The following ADCY8 variants were observed in gnomAD, a reference collection of about 807,000 sequenced individuals.
The protein encoded by ADCY8 is adenylate cyclase 8, also known as adenylate cyclase type 8.
A neutral mutation model predicts 119.7 loss-of-function variants in ADCY8; 51 were observed. That is an observed-to-expected ratio of 0.43 (90% CI 0.34 to 0.54). The LOEUF (loss-of-function observed/expected upper bound fraction) is 0.54, where lower values mean the gene tolerates loss of function less well. ADCY8 is among the 20% of genes least tolerant of loss of function. The pLI, the probability that ADCY8 is intolerant of heterozygous loss-of-function variation, is 0.03. For missense variants in ADCY8, 1,383 were observed against 1,598.8 expected (o/e 0.87, Z 2.30); for synonymous variants, 665 against 651.0 (o/e 1.02, Z -0.33).
At chr8:131,022,617 C>T (rs1430433888) in intron 1 of ADCY8, among the ~76,000 whole-genome samples, 1 of 152,108 alleles carries the variant, frequency 6.6e-6, no homozygotes, top group African/African-American at 2.4e-5. Context: ...CCCATAAATG[C>T]TAGTTTTACT....
chr8:130,970,239 G>A (rs947774920), intron 2 of ADCY8, among the ~76,000 whole-genome samples: 2 of 152,184 alleles, frequency 1.3e-5, no homozygotes, highest in African/African-American at 4.8e-5. Flanking sequence ...AAGCCGACAA[G>A]GCTTCATCTG....
chr8:130,857,937 A>T (rs1456647814), intron 9 of ADCY8, among the ~76,000 whole-genome samples: 1 of 152,090 alleles, frequency 6.6e-6, no homozygotes, highest in East Asian at 1.9e-4. Context: ...ATCATTACAA[A>T]CTCATAAAGC....
intron 5 of ADCY8, among the ~76,000 whole-genome samples, chr8:130,926,008 C>T (rs1006572988): frequency 6.6e-6 from 1 of 152,198 alleles, no homozygotes; most frequent in Non-Finnish European, 1.5e-5. Flanking sequence ...GACCATGTCA[C>T]TTCCCTACTT....
rs185091192 is a variant in ADCY8 at position 130,973,783 on chromosome 8, C to A, written c.1110+16610G>T. Among the ~76,000 whole-genome samples the A allele has an allele frequency of 1.2e-4, 18 of 152,292 alleles. No individual in the cohort carries two copies. In the East Asian group the frequency reaches 3.5e-3, roughly 29 times the overall value. ...GTTGTGTGTGGCTGTTGTCACCTAGCTTACCTCATGTGATCCTCACAGCTA... is the reference window on the plus strand; with the variant it reads ...GTTGTGTGTGGCTGTTGTCACCTAGATTACCTCATGTGATCCTCACAGCTA... On this transcript the variant is annotated intron_variant, in intron 2 of 17. Transcript: ENST00000286355.
chr8:130,999,382 G>A (rs543504174), intron 1 of ADCY8, among the ~76,000 whole-genome samples: 2 of 152,264 alleles, frequency 1.3e-5, no homozygotes, highest in South Asian at 2.1e-4. Context: ...TGAAGCTTGG[G>A]TGATAGAGAC....
chr8:130,987,541 C>T (rs1822440071), intron 2 of ADCY8, among the ~76,000 whole-genome samples: 1 of 152,062 alleles, frequency 6.6e-6, no homozygotes, highest in Non-Finnish European at 1.5e-5. Flanking sequence ...CCCACAAAAC[C>T]CAGTCATTTC....
intron 5 of ADCY8, among the ~76,000 whole-genome samples, chr8:130,921,973 T>C (rs918428314): frequency 6.6e-6 from 1 of 152,058 alleles, no homozygotes. Flanking sequence ...CACAGATTAA[T>C]GGATTCATGG....
At chr8:130,816,518 C>T (rs543048042) in intron 13 of ADCY8, among the ~76,000 whole-genome samples, 9 of 151,110 alleles carry the variant, frequency 6.0e-5, no homozygotes, top group Admixed American at 3.3e-4. Flanking sequence ...CTCCGCCCCT[C>T]GGGTTCACCC....
At position 130,951,767 on chromosome 8, in the gene ADCY8, G is replaced by C; in HGVS notation, c.1241+101C>G. The C allele has an allele frequency of 4.2e-6, 6 of 1,427,588 alleles. No individual in the cohort carries two copies. In the South Asian group the frequency reaches 7.9e-5, roughly 19 times the overall value. The allele number at this position is 1,427,588 out of a possible 1,614,324, so 88.4% of individuals were successfully genotyped here. Reference sequence around the variant, plus strand: ...GAATTAATCAACCAGATGAGGAAAGGTGCTGACATTCAAGCAGACGGAAGT... The same window carrying C: ...GAATTAATCAACCAGATGAGGAAAGCTGCTGACATTCAAGCAGACGGAAGT... On this transcript the variant is annotated intron_variant, in intron 3 of 17. Transcript: ENST00000286355.
intron 14 of ADCY8, among the ~76,000 whole-genome samples, chr8:130,805,513 G>C (rs183627844): frequency 3.2e-4 from 48 of 152,322 alleles, no homozygotes; most frequent in Non-Finnish European, 5.9e-5. Context: ...TTCAGATCTT[G>C]ATTCTGTGGT....
At chr8:130,836,129 TGTAAACTACAGAATGCC>T in intron 12 of ADCY8, 131 bp downstream of exon 12, 8 of 893,044 alleles carry the variant, frequency 9.0e-6, no homozygotes, top group African/African-American at 1.7e-5. Flanking sequence ...TGCTTGGACT[TGTAAACTACAGAATGCC>T]TGATTTGAGA....
At chr8:130,797,245 T>A (rs1438789759) in intron 15 of ADCY8, among the ~76,000 whole-genome samples, 20 of 152,096 alleles carry the variant, frequency 1.3e-4, no homozygotes, top group Admixed American at 1.2e-3. Flanking sequence ...CGAATTTTTT[T>A]AAAGCCCATC....
chr8:130,900,685 A>G (rs1220762697), intron 7 of ADCY8, among the ~76,000 whole-genome samples: 3 of 152,188 alleles, frequency 2.0e-5, no homozygotes, highest in African/African-American at 7.2e-5. Flanking sequence ...GCCAAGGAAT[A>G]CGAATCTTTC....
chr8:130,803,968 C>T (rs1815864032), intron 14 of ADCY8, among the ~76,000 whole-genome samples: 1 of 152,180 alleles, frequency 6.6e-6, no homozygotes, highest in African/African-American at 2.4e-5. Flanking sequence ...GTGCAGATAG[C>T]AGTCAGGGAG....
chr8:130,797,628 G>C (rs1209004503), intron 15 of ADCY8, among the ~76,000 whole-genome samples: 3 of 152,080 alleles, frequency 2.0e-5, no homozygotes, highest in Admixed American at 2.0e-4. Flanking sequence ...TGACCTTATG[G>C]CCTAGCATAG....
intron 7 of ADCY8, among the ~76,000 whole-genome samples, chr8:130,889,399 T>G (rs1242378617): frequency 2.0e-5 from 3 of 152,092 alleles, no homozygotes; most frequent in Admixed American, 6.5e-5. Flanking sequence ...ATAAAGGCAC[T>G]GATAAGTTCC....
At chr8:130,917,310 C>A (rs960857559) in intron 5 of ADCY8, among the ~76,000 whole-genome samples, 1 of 152,172 alleles carries the variant, frequency 6.6e-6, no homozygotes, top group African/African-American at 2.4e-5. Context: ...TCAAGTTCTG[C>A]ATTCATGGAG....
intron 2 of ADCY8, among the ~76,000 whole-genome samples, chr8:130,985,628 C>T (rs1296523654): frequency 6.6e-6 from 1 of 152,042 alleles, no homozygotes; most frequent in Admixed American, 6.5e-5. Flanking sequence ...TTAGGTCAAC[C>T]TTGATTCTCT....
chr8:130,888,126 T>G (rs568415763), intron 7 of ADCY8, among the ~76,000 whole-genome samples: 1 of 151,942 alleles, frequency 6.6e-6, no homozygotes, highest in East Asian at 1.9e-4. Context: ...ATAAACACTC[T>G]AAACAATTGG....
Sources: gnomAD v4.1 joint callset for allele counts (sites outside exome capture counted in the v4.1 genomes callset) on GRCh38, gnomAD v4.1.1 for gene constraint, MANE v1.5 for transcripts, NCBI Gene and HGNC (gene_info 2026-07-23, HGNC 2026-07-21) for gene names.